Variants in TOX observed in about 807,000 individuals in gnomAD.
TOX encodes thymocyte selection-associated high mobility group box protein TOX.
In TOX, 11 loss-of-function variants were observed where a neutral mutation model predicts 53.7. The ratio of observed to expected loss-of-function variants is 0.20; its 90% CI spans 0.13 to 0.34. The LOEUF is 0.34. Ranked by LOEUF, TOX falls within the 10% of genes least tolerant of loss-of-function variation. TOX has a pLI of 1.00. For missense variants in TOX, 570 were observed against 664.6 expected (o/e 0.86, Z 1.56); for synonymous variants, 225 against 245.3 (o/e 0.92, Z 0.77).
intron 1 of TOX, among the ~76,000 whole-genome samples, chr8:59,098,199 A>G (rs924006232): frequency 3.9e-5 from 6 of 152,238 alleles, no homozygotes; most frequent in African/African-American, 1.4e-4. Flanking sequence ...AGTGAACGCC[A>G]GAACAGTAAG....
chr8:59,036,779 T>C (rs1814467270), intron 1 of TOX, among the ~76,000 whole-genome samples: 1 of 152,224 alleles, frequency 6.6e-6, no homozygotes, highest in South Asian at 2.1e-4. Flanking sequence ...TGTGTGTATG[T>C]GTGTGACTAT....
rs200005444 is a variant in TOX, at chr8:59,091,495, T to C, written c.102+27391A>G. Reference sequence around the variant, plus strand: ...TTCTTTTCCTTTATTACCAATATGCTCTTCTTGGACAATATAGACAGACAG... The same window carrying C: ...TTCTTTTCCTTTATTACCAATATGCCCTTCTTGGACAATATAGACAGACAG... On this transcript the variant is annotated intron_variant, in intron 1 of 8. Coordinates refer to ENST00000361421, the MANE Select transcript of TOX (RefSeq NM_014729.3). Among the ~76,000 whole-genome samples, 113 of 152,184 alleles carry C rather than the reference T, an allele frequency of 7.4e-4. 1 individual carries two copies. In the East Asian group the frequency reaches 0.012, roughly 17 times the overall value.
Position 58,851,301 on chromosome 8 carries a change from C to T in TOX, c.693+223G>A, listed in dbSNP as rs575570621. 6.6e-5 allele frequency among the ~76,000 whole-genome samples: 10 copies of T among 152,096 alleles called. No individual in the cohort carries two copies. Among genetic ancestry groups the T allele is most frequent in the South Asian group, 4.2e-4 (2 of 4,812 alleles). ...CTTCTGTGGGCACAAACAACTTTTACGCTTAACACATCTATATTTAAAGGA... is the reference window on the plus strand; with the variant it reads ...CTTCTGTGGGCACAAACAACTTTTATGCTTAACACATCTATATTTAAAGGA... On this transcript the variant is annotated intron_variant, in intron 4 of 8. Transcript: ENST00000361421. The surrounding 1 kb of genome is among the most constrained non-coding windows in gnomAD (Gnocchi z 4.4).
chr8:58,893,793 G>A (rs1413177766), intron 3 of TOX, among the ~76,000 whole-genome samples: 5 of 152,180 alleles, frequency 3.3e-5, no homozygotes, highest in Non-Finnish European at 4.4e-5. Flanking sequence ...CATTGGACTG[G>A]ACTTTAAAAC....
chr8:58,971,050 A>G (rs1461787228), intron 1 of TOX, among the ~76,000 whole-genome samples: 1 of 152,238 alleles, frequency 6.6e-6, no homozygotes, highest in Non-Finnish European at 1.5e-5. Flanking sequence ...CAGAGTTTAG[A>G]TAATGGCTAA....
chr8:58,990,748 A>AGGTCAGCC (rs1186734738), intron 1 of TOX, among the ~76,000 whole-genome samples: 6 of 152,208 alleles, frequency 3.9e-5, no homozygotes, highest in African/African-American at 1.4e-4. Context: ...GCTGGTCAGC[A>AGGTCAGCC]GGTCAGCCTG....
intron 3 of TOX, among the ~76,000 whole-genome samples, chr8:58,879,892 T>C (rs932575551): frequency 2.6e-5 from 4 of 152,228 alleles, no homozygotes; most frequent in Non-Finnish European, 2.9e-5. Flanking sequence ...AATATGTCCT[T>C]GTACTGGTAC....
chr8:58,851,976 T>C lies in TOX; in HGVS notation c.412-171A>G, dbSNP rs1330798289. Among the ~76,000 whole-genome samples the C allele has an allele frequency of 6.6e-6, 1 of 152,018 alleles. No homozygotes were observed. The highest frequency in any genetic ancestry group is 2.4e-5 in the African/African-American group (1 of 41,410). On this transcript the variant is annotated intron_variant, in intron 3 of 8. Coordinates refer to ENST00000361421, the MANE Select transcript of TOX (RefSeq NM_014729.3). The surrounding 1 kb of genome is among the most constrained non-coding windows in gnomAD (Gnocchi z 4.4). ...GGTAAAATAATCCTAAAAGTATATA[T>C]CACCATAAAGGATAGCATAAGACTA... is the stretch of plus-strand genomic sequence containing the variant.
At chr8:59,001,966 G>T (rs1813696305) in intron 1 of TOX, among the ~76,000 whole-genome samples, 3 of 139,068 alleles carry the variant, frequency 2.2e-5, no homozygotes, top group African/African-American at 2.7e-5. Context: ...AAATACAGAA[G>T]TACTTTTTTT....
At position 59,117,544 on chromosome 8, in the gene TOX, A is replaced by G. The variant is rs1266515857; in HGVS notation, c.102+1342T>C. On this transcript the variant is annotated intron_variant, in intron 1 of 8. Transcript: ENST00000361421. This position sits in a 1 kb window ranked among gnomAD's most constrained non-coding sequence, Gnocchi z 4.6. ...CTCCACGGGGAAGTGTGTGTGTGAGAGCCTGCCTGTGTGTCAACACTGTCC... is the reference window on the plus strand; with the variant it reads ...CTCCACGGGGAAGTGTGTGTGTGAGGGCCTGCCTGTGTGTCAACACTGTCC... Among the ~76,000 whole-genome samples the G allele has an allele frequency of 6.6e-6, 1 of 152,234 alleles. No individual in the cohort carries two copies. The highest frequency in any genetic ancestry group is 1.5e-5 in the Non-Finnish European group (1 of 68,032).
chr8:59,079,148 C>A (rs1308345258), intron 1 of TOX, among the ~76,000 whole-genome samples: 1 of 152,096 alleles, frequency 6.6e-6, no homozygotes, highest in African/African-American at 2.4e-5. Flanking sequence ...AAAGTTGGAA[C>A]TTATATTTAA....
intron 3 of TOX, among the ~76,000 whole-genome samples, chr8:58,874,493 A>C (rs1469028558): frequency 6.6e-6 from 1 of 152,144 alleles, no homozygotes; most frequent in Non-Finnish European, 1.5e-5. Flanking sequence ...CCAAGATTAG[A>C]AAATCAGAGC....
intron 3 of TOX, among the ~76,000 whole-genome samples, chr8:58,886,018 A>C (rs1811461276): frequency 6.6e-6 from 1 of 152,086 alleles, no homozygotes; most frequent in Admixed American, 6.6e-5. Flanking sequence ...CAGTGTTTTC[A>C]CACACTTGTA....
chr8:58,858,655 G>A (rs1232326969), intron 3 of TOX, among the ~76,000 whole-genome samples: 1 of 152,238 alleles, frequency 6.6e-6, no homozygotes, highest in Non-Finnish European at 1.5e-5. Context: ...ACCCCTGTCT[G>A]TCAGCATTTG....
In TOX at chr8:59,102,036, T is replaced by C. The variant is rs149523486; in HGVS notation, c.102+16850A>G. On this transcript the variant is annotated intron_variant, in intron 1 of 8. Transcript: ENST00000361421. ...GTGAAAGGGCATCCATATCAGTTTG[T>C]TTTCATGCTGCTGATAAAGACACAC... 8.0e-4 allele frequency among the ~76,000 whole-genome samples: 122 copies of C among 152,278 alleles called. 1 individual carries two copies. In the East Asian group the frequency reaches 0.016, roughly 20 times the overall value.
intron 1 of TOX, among the ~76,000 whole-genome samples, chr8:58,995,243 G>A (rs1813540118): frequency 1.3e-5 from 2 of 152,308 alleles, no homozygotes; most frequent in East Asian, 1.9e-4. Flanking sequence ...AGCCCCTAAT[G>A]TGATTTGGTT....
chr8:59,016,546 T>A (rs1187541310), intron 1 of TOX, among the ~76,000 whole-genome samples: 2 of 152,232 alleles, frequency 1.3e-5, no homozygotes, highest in Non-Finnish European at 2.9e-5. Flanking sequence ...ATGCTCATAA[T>A]AGATGCAGCA....
intron 1 of TOX, among the ~76,000 whole-genome samples, chr8:59,036,076 C>A (rs1235544494): frequency 6.6e-6 from 1 of 152,172 alleles, no homozygotes; most frequent in African/African-American, 2.4e-5. Context: ...ATAGTTGTTC[C>A]CCTAGCAGTT....
At chr8:59,038,744 C>T (rs1457848381) in intron 1 of TOX, among the ~76,000 whole-genome samples, 1 of 152,176 alleles carries the variant, frequency 6.6e-6, no homozygotes, top group Admixed American at 6.5e-5. Context: ...GGTGCACTAC[C>T]CCCACAGCAC....
Sources: gnomAD v4.1 joint callset for allele counts (sites outside exome capture counted in the v4.1 genomes callset) on GRCh38, gnomAD v4.1.1 for gene constraint, Gnocchi (gnomAD v3.1) non-coding constraint, MANE v1.5 for transcripts, NCBI Gene and HGNC (gene_info 2026-07-23, HGNC 2026-07-21) for gene names.